The following MED23 variants were observed in gnomAD, a reference collection of about 807,000 sequenced individuals.
MED23 encodes the protein mediator of RNA polymerase II transcription subunit 23.
In MED23, 105 loss-of-function variants were observed where a neutral mutation model predicts 163.9. The observed-to-expected ratio is 0.64, with a 90% CI of 0.55 to 0.75. The LOEUF (loss-of-function observed/expected upper bound fraction) is 0.75. MED23 is among the 30% of genes least tolerant of loss of function. MED23 has a pLI of 0.00. For missense variants in MED23, 1,054 were observed against 1,649.0 expected (o/e 0.64, Z 6.25); for synonymous variants, 561 against 565.6 (o/e 0.99, Z 0.12).
chr6:131,599,601 T>A (rs769246448), intron 18 of MED23, among the ~76,000 whole-genome samples: 80 of 152,182 alleles, frequency 5.3e-4, no homozygotes, highest in Non-Finnish European at 9.8e-4. Flanking sequence ...TCAATTTTTT[T>A]CACTTTTATT....
intron 11 of MED23, 50 bp downstream of exon 11, chr6:131,609,996 T>G (rs1337986528): frequency 3.2e-6 from 5 of 1,547,780 alleles, no homozygotes; most frequent in Non-Finnish European, 4.5e-6. Flanking sequence ...CAGTCTAAAA[T>G]ACAGTAATCA....
At chr6:131,595,408 T>A (rs1386090447) in intron 22 of MED23, among the ~76,000 whole-genome samples, 1 of 152,192 alleles carries the variant, frequency 6.6e-6, no homozygotes, top group Non-Finnish European at 1.5e-5. Context: ...CTTTCTGAAA[T>A]AATGTTTCCT....
intron 28 of MED23, among the ~76,000 whole-genome samples, chr6:131,589,075 G>A (rs540857718): frequency 2.6e-4 from 39 of 152,110 alleles, no homozygotes; most frequent in Non-Finnish European, 4.6e-4. Context: ...GTTATGCCGC[G>A]GTTTGTCTAC....
intron 3 of MED23, 80 bp downstream of exon 3, chr6:131,627,316 G>A (rs547105033): frequency 6.2e-6 from 6 of 966,994 alleles, no homozygotes; most frequent in Admixed American, 2.4e-5. Context: ...CAGCATGAAA[G>A]TAAATGTTAA....
intron 24 of MED23, chr6:131,592,711 CT>C: frequency 1.7e-6 from 1 of 598,944 alleles, no homozygotes; most frequent in East Asian, 2.8e-5. Flanking sequence ...ATCTTGAAAT[CT>C]TGAAAACAAG....
chr6:131,598,447 G>A lies in MED23; in HGVS notation c.2447C>T (p.Ala816Val). 6.2e-7 allele frequency: 1 copy of A among 1,614,096 alleles called. No homozygotes were observed. The highest frequency in any genetic ancestry group is 8.5e-7 in the Non-Finnish European group (1 of 1,180,020). Residue 816 changes from alanine (A) to valine (V), a missense_variant, in exon 20 of 29, where the codon GCC becomes GTC. Ala to Val is a moderately conservative substitution (Grantham distance 64, BLOSUM62 0). This residue lies in a region of MED23 where 228 missense variants were observed against 461.3 expected (regional missense o/e 0.49). Coordinates refer to ENST00000368068, the MANE Select transcript of MED23 (RefSeq NM_004830.4). This position sits in a 1 kb window ranked among gnomAD's most constrained non-coding sequence, Gnocchi z 4.7. The part of the protein sequence containing the change: ...IGYRVLERIG[A>V]RALVAHVRTF... ...CCTCACATGGGCTACCAAGGCCCTG[G>A]CTCCAATTCTCTCTAATACTCTGGA...
chr6:131,596,590 G>A lies in MED23; in HGVS notation c.2706C>T (p.Asp902=), dbSNP rs9493031. 1 of 1,614,176 alleles carries A rather than the reference G, an allele frequency of 6.2e-7. No individual in the cohort carries two copies. Among genetic ancestry groups the A allele is most frequent in the Non-Finnish European group, 8.5e-7 (1 of 1,180,020 alleles). Residue 902 remains aspartate, a synonymous_variant, in exon 21 of 29, where the codon GAC becomes GAT. Transcript: ENST00000368068. The stretch of plus-strand genomic sequence containing the variant: ...GCTCTGGGGAATTTTCCTTCACAAA[G>A]TCACTTACTCGATTTCTAAAATCGT... ...KPNDFRNRVS[D]FVKENSPEHW... is the part of the protein sequence containing the mutation.
chr6:131,615,687 A>C (rs778127657), intron 10 of MED23: 1 of 623,998 alleles, frequency 1.6e-6, no homozygotes, highest in South Asian at 1.7e-5. Context: ...AAAGCAATGC[A>C]AAATAAACCA....
At position 131,602,204 on chromosome 6, in the gene MED23, C is replaced by A. The variant is rs1001483473; in HGVS notation, c.2095+14G>T. On this transcript the variant is annotated intron_variant, in intron 17 of 28. Coordinates refer to ENST00000368068, the MANE Select transcript of MED23 (RefSeq NM_004830.4). ...ATTCATCTGTTGTTGTTTGTAGTCACATATTCACCGTACCTGTTACATGAG... is the reference window on the plus strand; with the variant it reads ...ATTCATCTGTTGTTGTTTGTAGTCAAATATTCACCGTACCTGTTACATGAG... 2 of 1,613,126 alleles carry A rather than the reference C, an allele frequency of 1.2e-6. No homozygotes were observed. The highest frequency in any genetic ancestry group is 1.7e-6 in the Non-Finnish European group (2 of 1,179,194).
chr6:131,616,054 CCAAA>C, intron 9 of MED23, 52 bp from the exon 10 acceptor site: 1 of 1,404,752 alleles, frequency 7.1e-7, no homozygotes, highest in Non-Finnish European at 1.0e-6. Flanking sequence ...CAACATTAAT[CCAAA>C]TTATTAGAAA....
intron 30 of MED23, chr6:131,578,986 C>T (rs1773773794): frequency 8.9e-7 from 1 of 1,123,340 alleles, no homozygotes; most frequent in African/African-American, 1.6e-5. Context: ...ATTTACAGAC[C>T]TTTCAGGTTT....
intron 4 of MED23, among the ~76,000 whole-genome samples, chr6:131,623,950 T>C (rs1246350506): frequency 6.6e-6 from 1 of 152,252 alleles, no homozygotes; most frequent in Non-Finnish European, 1.5e-5. Context: ...TAAGCACACT[T>C]ATAAATCTGT....
intron 2 of MED23, 64 bp from the exon 3 acceptor site, chr6:131,627,547 A>T: frequency 6.3e-7 from 1 of 1,586,824 alleles, no homozygotes; most frequent in Non-Finnish European, 8.7e-7. Context: ...CACAATCAGA[A>T]TAGTGGATCT....
downstream of MED23, chr6:131,583,427 A>G: frequency 1.2e-6 from 2 of 1,614,146 alleles, no homozygotes; most frequent in Non-Finnish European, 1.7e-6. Context: ...CTACTGGCAC[A>G]CCAGTCGTGG....
rs117427594 is a variant in MED23 at position 131,605,572 on chromosome 6, C to T, written c.1368-87G>A. On this transcript the variant is annotated intron_variant, in intron 13 of 28. Coordinates refer to ENST00000368068, the MANE Select transcript of MED23 (RefSeq NM_004830.4). ...ATTTTTTTAAAAGTTCAATTTTATG[C>T]AATTATTTATTAATGCTATCTTTGT... 2,738 of 1,213,376 alleles carry T rather than the reference C, an allele frequency of 2.3e-3. 40 individuals are homozygous for T. The East Asian group carries it at 0.034, about 15-fold the overall frequency. 75.2% of individuals were successfully genotyped at this position (1,213,376 alleles called of 1,614,324 possible).
At chr6:131,581,485 T>G in intron 30 of MED23, 3 of 1,313,510 alleles carry the variant, frequency 2.3e-6, no homozygotes, top group Non-Finnish European at 2.1e-6. Flanking sequence ...TGGTGTAATC[T>G]CAAATCATTT....
At chr6:131,627,037 T>C (rs976473446) in intron 3 of MED23, 1 of 196,178 alleles carries the variant, frequency 5.1e-6, no homozygotes, top group Admixed American at 5.6e-5. Flanking sequence ...AATTCCTTTA[T>C]TTAGCAGAAA....
rs531117440 is a variant in MED23 at position 131,579,014 on chromosome 6, G to A, written c.4096-4719C>T. 87 of 1,385,168 alleles carry A rather than the reference G, an allele frequency of 6.3e-5. 1 individual carries two copies. In the East Asian group the frequency reaches 1.9e-3, roughly 31 times the overall value. 85.8% of individuals were successfully genotyped at this position (1,385,168 alleles called of 1,614,324 possible). ...TCAGGTTTTTCCTTTGCTTATACTT[G>A]TGAATATATGCCTATTTTATACAAT... On this transcript the variant is annotated intron_variant, in intron 30 of 30. Coordinates refer to the MED23 transcript ENST00000354577.
chr6:131,622,650 A>C (rs1431075831), intron 5 of MED23, among the ~76,000 whole-genome samples: 2 of 152,380 alleles, frequency 1.3e-5, no homozygotes, highest in East Asian at 3.9e-4. Context: ...AAATTGCATA[A>C]GTCTGAGTAA....
Sources: gnomAD v4.1 joint callset for allele counts (sites outside exome capture counted in the v4.1 genomes callset) on GRCh38, gnomAD v4.1.1 for gene constraint, gnomAD v4.1.1 regional missense constraint, Gnocchi (gnomAD v3.1) non-coding constraint, MANE v1.5 for transcripts, NCBI Gene and HGNC (gene_info 2026-07-23, HGNC 2026-07-21) for gene names.